Variants in ZNF385D observed in about 807,000 individuals in gnomAD.
ZNF385D encodes zinc finger protein 385D, also known as zinc finger protein 659.
ZNF385D carries 15 observed loss-of-function variants against 35.8 expected under a neutral mutation model. The observed-to-expected ratio is 0.42, with a 90% CI of 0.28 to 0.64. The LOEUF is 0.64. ZNF385D is among the 30% of genes least tolerant of loss of function. The pLI is 0.23. For synonymous variants in ZNF385D, 212 were observed against 186.8 expected (o/e 1.13, Z -1.10); for missense variants, 474 against 494.6 (o/e 0.96, Z 0.39).
Position 21,498,654 on chromosome 3 carries a change from T to C in ZNF385D, c.439+12207A>G, listed in dbSNP as rs575138219. 3.9e-5 allele frequency among the ~76,000 whole-genome samples: 6 copies of C among 152,228 alleles called. No individual in the cohort carries two copies. The South Asian group carries it at 1.2e-3, about 32-fold the overall frequency. ...AATGCAAATCCCAACCACAATGAGA[T>C]GCCACCTCACACTGGTCAGAATGGC... On this transcript the variant is annotated intron_variant, in intron 4 of 7. Coordinates refer to ENST00000281523, the MANE Select transcript of ZNF385D (RefSeq NM_024697.3).
chr3:21,503,946 C>G (rs1706584501), intron 4 of ZNF385D, among the ~76,000 whole-genome samples: 1 of 152,044 alleles, frequency 6.6e-6, no homozygotes, highest in African/African-American at 2.4e-5. Flanking sequence ...AGTACAACAT[C>G]CCTGGTTTAC....
At chr3:21,545,126 T>C (rs960584152) in intron 3 of ZNF385D, among the ~76,000 whole-genome samples, 3 of 152,230 alleles carry the variant, frequency 2.0e-5, no homozygotes, top group Non-Finnish European at 4.4e-5. Flanking sequence ...ATAACTAAAC[T>C]TCTTTCCCTG....
chr3:21,851,191 G>A (rs544781892), intron 3 of ZNF385D, among the ~76,000 whole-genome samples: 6 of 152,040 alleles, frequency 3.9e-5, no homozygotes, highest in Admixed American at 1.3e-4. Flanking sequence ...CAAAAAGTAA[G>A]TGAAATAAAA....
intron 2 of ZNF385D, among the ~76,000 whole-genome samples, chr3:21,635,584 A>C (rs1397501913): frequency 6.6e-6 from 1 of 151,752 alleles, no homozygotes; most frequent in African/African-American, 2.4e-5. Flanking sequence ...TTGTTTCCAT[A>C]GGTTTGGGGG....
intron 3 of ZNF385D, among the ~76,000 whole-genome samples, chr3:21,846,083 C>T (rs534065068): frequency 5.0e-4 from 76 of 152,036 alleles, no homozygotes; most frequent in Non-Finnish European, 1.0e-3. Flanking sequence ...TAGGCTGTGT[C>T]CATCGGGGTC....
chr3:21,582,372 G>GTATC (rs2125708508), intron 2 of ZNF385D, among the ~76,000 whole-genome samples: 1 of 152,240 alleles, frequency 6.6e-6, no homozygotes, highest in East Asian at 1.9e-4. Flanking sequence ...CTATTAAAAA[G>GTATC]TATCTCCAAC....
At position 21,999,435 on chromosome 3, in the gene ZNF385D, G is replaced by A. The variant is rs368123491; in HGVS notation, c.325+169382C>T. Among the ~76,000 whole-genome samples, 10 of 152,032 alleles carry A rather than the reference G, an allele frequency of 6.6e-5. No homozygotes were observed. The South Asian group carries it at 1.2e-3, about 19-fold the overall frequency. ...TGCTTGTTTGATTTAAATGATTTGC[G>A]AGTAAAATTCTTCAAAATTAAGAGA... is the stretch of plus-strand genomic sequence containing the variant. On this transcript the variant is annotated intron_variant, in intron 3 of 5. Transcript: ENST00000494108.
At chr3:21,593,029 C>G (rs2064026503) in intron 2 of ZNF385D, among the ~76,000 whole-genome samples, 1 of 152,168 alleles carries the variant, frequency 6.6e-6, no homozygotes, top group South Asian at 2.1e-4. Context: ...TGCGTGACCT[C>G]AGAGTATCCT....
At position 22,030,272 on chromosome 3, in the gene ZNF385D, T is replaced by TAC. The variant is rs1559316419; in HGVS notation, c.325+138544_325+138545insGT. Among the ~76,000 whole-genome samples, 204 of 82,824 alleles carry TAC rather than the reference T, an allele frequency of 2.5e-3. 4 individuals are homozygous for TAC. The highest frequency in any genetic ancestry group is 0.01 in the African/African-American group (190 of 18,150). 54.3% of individuals were successfully genotyped at this position (82,824 alleles called of 152,430 possible). ...AAACTCATTCATATATATATATATA[T>TAC]ATATATATATATATATATATATATA... On this transcript the variant is annotated intron_variant, in intron 3 of 5. Transcript: ENST00000494108.
intron 2 of ZNF385D, among the ~76,000 whole-genome samples, chr3:22,231,173 T>C (rs946882088): frequency 3.3e-5 from 5 of 151,968 alleles, no homozygotes; most frequent in African/African-American, 7.3e-5. Flanking sequence ...AAAAGTGCAA[T>C]TGTTAACAGT....
chr3:22,213,647 TC>T (rs1697668053), intron 2 of ZNF385D, among the ~76,000 whole-genome samples: 1 of 151,978 alleles, frequency 6.6e-6, no homozygotes, highest in Non-Finnish European at 1.5e-5. Flanking sequence ...TTAAAAAACC[TC>T]CTCATGTCAG....
chr3:21,846,393 T>G (rs1357638606), intron 3 of ZNF385D, among the ~76,000 whole-genome samples: 6 of 152,046 alleles, frequency 3.9e-5, no homozygotes, highest in African/African-American at 1.4e-4. Context: ...AAAAAGCACT[T>G]TCTCATAAAC....
intron 2 of ZNF385D, among the ~76,000 whole-genome samples, chr3:22,233,060 G>A (rs1243936031): frequency 6.6e-6 from 1 of 151,900 alleles, no homozygotes; most frequent in East Asian, 1.9e-4. Context: ...ATGATGCCCT[G>A]GGAAATTTTT....
intron 2 of ZNF385D, among the ~76,000 whole-genome samples, chr3:22,230,249 A>G (rs1324760230): frequency 6.6e-6 from 1 of 152,182 alleles, no homozygotes; most frequent in Non-Finnish European, 1.5e-5. Context: ...TGACCTAAAC[A>G]TGATTCTGTA....
intron 3 of ZNF385D, among the ~76,000 whole-genome samples, chr3:21,997,542 GTAAC>G (rs989371806): frequency 7.4e-5 from 11 of 149,502 alleles, no homozygotes; most frequent in African/African-American, 2.7e-4. Context: ...TTCTTTAAAT[GTAAC>G]TATCTCTGCA....
At chr3:22,085,154 CAATT>C (rs1309180665) in intron 3 of ZNF385D, among the ~76,000 whole-genome samples, 5 of 151,414 alleles carry the variant, frequency 3.3e-5, no homozygotes, top group Non-Finnish European at 7.4e-5. Flanking sequence ...CCTAACATCA[CAATT>C]AAGAATAAAC....
At chr3:22,157,938 C>T (rs1364219003) in intron 3 of ZNF385D, among the ~76,000 whole-genome samples, 1 of 152,060 alleles carries the variant, frequency 6.6e-6, no homozygotes, top group African/African-American at 2.4e-5. Context: ...GTCTAGATGT[C>T]CTTTACAAAA....
intron 2 of ZNF385D, among the ~76,000 whole-genome samples, chr3:22,253,405 T>C (rs1031817258): frequency 2.0e-5 from 3 of 152,058 alleles, no homozygotes; most frequent in Non-Finnish European, 1.5e-5. Flanking sequence ...AGGTTTTGAA[T>C]CTCAACTTCA....
chr3:22,335,776 T>A (rs1387034653), intron 2 of ZNF385D, among the ~76,000 whole-genome samples: 1 of 152,178 alleles, frequency 6.6e-6, no homozygotes, highest in Non-Finnish European at 1.5e-5. Flanking sequence ...ATATTTCTAT[T>A]ATACACATAC....
Sources: allele counts gnomAD v4.1 joint callset (sites outside exome capture counted in the v4.1 genomes callset), GRCh38; gene constraint gnomAD v4.1.1; transcripts MANE v1.5; gene names NCBI Gene and HGNC (gene_info 2026-07-23, HGNC 2026-07-21).